Variants in NDST1 observed in about 807,000 individuals in gnomAD.
NDST1 encodes the protein N-deacetylase and N-sulfotransferase 1, also known as bifunctional heparan sulfate N-deacetylase/N-sulfotransferase 1.
NDST1 carries 35 observed loss-of-function variants against 92.8 expected under a neutral mutation model. That is an observed-to-expected ratio of 0.38 (90% confidence interval 0.29 to 0.50). NDST1 has a LOEUF of 0.50. NDST1 is among the 20% of genes least tolerant of loss of function. The pLI is 0.94. For synonymous variants in NDST1, 493 were observed against 500.3 expected, an observed-to-expected ratio of 0.99 and a Z score of 0.19; for missense variants, 822 against 1,182.7, an observed-to-expected ratio of 0.69 and a Z score of 4.47.
Position 150,548,401 on chromosome 5 carries a change from C to T in NDST1, c.2316+13C>T. ...TCACGCCAACCAGGTAGCTGCTGTC[C>T]CTGACCCTTGTGAGGGCAGTCACAG... is the stretch of plus-strand genomic sequence containing the variant. On this transcript the variant is annotated intron_variant, in intron 12 of 14. Transcript: ENST00000261797. The T allele has an allele frequency of 6.2e-7, 1 of 1,608,128 alleles. No homozygotes were observed. Among genetic ancestry groups the T allele is most frequent in the Non-Finnish European group, 8.5e-7 (1 of 1,179,912 alleles).
upstream of NDST1, among the ~76,000 whole-genome samples, chr5:150,506,971 C>A (rs1020787711): frequency 6.6e-6 from 1 of 152,236 alleles, no homozygotes; most frequent in Non-Finnish European, 1.5e-5. Flanking sequence ...ACCTGGCTTC[C>A]GTCCTCACTG....
chr5:150,545,426 C>A lies in NDST1; in HGVS notation c.2085C>A (p.Pro695=). The A allele has an allele frequency of 6.2e-7, 1 of 1,614,232 alleles. No individual in the cohort carries two copies. Among genetic ancestry groups the A allele is most frequent in the Non-Finnish European group, 8.5e-7 (1 of 1,180,036 alleles). Residue 695 remains proline, a synonymous_variant, in exon 11 of 15, where the codon CCC becomes CCA. Transcript: ENST00000261797. ...CCCGGCGGGCAGCAGCCCTCTTGCCCAAAGCCAAGGTCCTGACCATCCTCA... is the reference window on the plus strand; with the variant it reads ...CCCGGCGGGCAGCAGCCCTCTTGCCAAAAGCCAAGGTCCTGACCATCCTCA... ...VAPRRAAALL[P]KAKVLTILIN...
At chr5:150,537,997 G>A (rs954975129) in intron 6 of NDST1, among the ~76,000 whole-genome samples, 2 of 152,240 alleles carry the variant, frequency 1.3e-5, no homozygotes, top group Non-Finnish European at 2.9e-5. Context: ...GAGTGCCACG[G>A]ACAAAGTTAA....
intron 10 of NDST1, among the ~76,000 whole-genome samples, chr5:150,544,054 G>A (rs1215514101): frequency 2.0e-5 from 3 of 152,138 alleles, no homozygotes; most frequent in South Asian, 2.1e-4. Flanking sequence ...CTGGGATTAC[G>A]GCGTGCGCCA....
At chr5:150,510,734 A>G (rs1016441449) in intron 1 of NDST1, among the ~76,000 whole-genome samples, 9 of 152,272 alleles carry the variant, frequency 5.9e-5, no homozygotes, top group African/African-American at 1.9e-4. Context: ...AACCCAGAAC[A>G]GATTCACAAG....
At chr5:150,522,402 C>G (rs1754279599) in intron 2 of NDST1, among the ~76,000 whole-genome samples, 1 of 151,898 alleles carries the variant, frequency 6.6e-6, no homozygotes, top group South Asian at 2.1e-4. Context: ...GGATTGGGGT[C>G]CTTGCAGGAA....
Position 150,527,847 on chromosome 5 carries a change from C to G in NDST1, c.557C>G (p.Pro186Arg). 1.2e-6 allele frequency: 2 copies of G among 1,614,160 alleles called. No individual in the cohort carries two copies. Among genetic ancestry groups the G allele is most frequent in the Non-Finnish European group, 1.7e-6 (2 of 1,180,034 alleles). Reference protein sequence around the residue: ...SLLSAQLKGFPLFLHSNLGLK... With the variant: ...SLLSAQLKGFRLFLHSNLGLK... Reference sequence around the variant, plus strand: ...CTGAGTGCGCAGCTCAAGGGCTTCCCCCTGTTCCTGCACTCAAACCTGGGC... The same window carrying G: ...CTGAGTGCGCAGCTCAAGGGCTTCCGCCTGTTCCTGCACTCAAACCTGGGC... Residue 186 changes from proline to arginine, a missense_variant, in exon 3 of 15, where the codon CCC becomes CGC. Transcript: ENST00000261797.
intron 2 of NDST1, 109 bp from the exon 3 acceptor site, chr5:150,527,695 T>G (rs1035487838): frequency 2.0e-6 from 3 of 1,517,664 alleles, no homozygotes; most frequent in Non-Finnish European, 1.8e-6. Context: ...CCTCCATGAA[T>G]GTTGGTGAAT....
In NDST1 at chr5:150,553,837, C is replaced by T. The variant is rs907558042; in HGVS notation, c.*505C>T. The T allele has an allele frequency of 4.5e-5, 20 of 443,458 alleles. No homozygotes were observed. The highest frequency in any genetic ancestry group is 3.9e-4 in the African/African-American group (20 of 51,652). The allele number at this position is 443,458 out of a possible 1,614,324, so 27.5% of individuals were successfully genotyped here. On this transcript the variant is annotated 3_prime_UTR_variant, in exon 15 of 15. Coordinates refer to ENST00000261797, the MANE Select transcript of NDST1 (RefSeq NM_001543.5). This position sits in a 1 kb window ranked among gnomAD's most constrained non-coding sequence, Gnocchi z 4.2. ...CTGGGTCCCCGGAGTCAGTCCTAGG[C>T]TGGATGGGAGGGTGGCCCCCTCAAG...
chr5:150,521,904 G>A lies in NDST1; in HGVS notation c.513+137G>A. 8.7e-7 allele frequency: 1 copy of A among 1,152,298 alleles called. No individual in the cohort carries two copies. Among genetic ancestry groups the A allele is most frequent in the East Asian group, 2.5e-5 (1 of 40,364 alleles). The allele number at this position is 1,152,298 out of a possible 1,614,324, so 71.4% of individuals were successfully genotyped here. A position where few individuals can be genotyped will look rare whatever the true frequency, so the allele number is the denominator to read the frequency against. Reference sequence around the variant, plus strand: ...GGGAGGGTTAAATGAGTGAGTATATGTAAAGCACTGGGAGCATGCGGTGCC... The same window carrying A: ...GGGAGGGTTAAATGAGTGAGTATATATAAAGCACTGGGAGCATGCGGTGCC... On this transcript the variant is annotated intron_variant, in intron 2 of 14. Transcript: ENST00000261797. This position sits in a 1 kb window ranked among gnomAD's most constrained non-coding sequence, Gnocchi z 5.9.
intron 2 of NDST1, among the ~76,000 whole-genome samples, chr5:150,522,556 A>G (rs1225119136): frequency 6.6e-6 from 1 of 152,176 alleles, no homozygotes; most frequent in Non-Finnish European, 1.5e-5. Flanking sequence ...TGGAGGTGGC[A>G]GGGAATTTGT....
At chr5:150,507,936 G>A (rs1363582302), upstream of NDST1, among the ~76,000 whole-genome samples, 1 of 152,212 alleles carries the variant, frequency 6.6e-6, no homozygotes, top group South Asian at 2.1e-4. Flanking sequence ...GGGCAGAATC[G>A]GAGGAGGACA....
At position 150,549,756 on chromosome 5, in the gene NDST1, A is replaced by G. The variant is rs987497760; in HGVS notation, c.2395A>G (p.Thr799Ala). ...MDMVQKFLGVTNTIDYHKTLA... is the reference protein window; with the variant it reads ...MDMVQKFLGVANTIDYHKTLA... ...CATGGTGCAGAAGTTCCTTGGGGTG[A>G]CCAACACCATTGACTACCACAAAAC... The change falls in exon 13 of 15, where the codon ACC (threonine) becomes GCC (alanine). Residue 799 changes from threonine (T) to alanine (A), a missense_variant. Physicochemically the swap from Thr to Ala is moderately conservative, Grantham distance 58. Transcript: ENST00000261797. 2 of 1,613,508 alleles carry G rather than the reference A, an allele frequency of 1.2e-6. No individual in the cohort carries two copies. Among genetic ancestry groups the G allele is most frequent in the Admixed American group, 3.3e-5 (2 of 60,018 alleles).
Position 150,553,454 on chromosome 5 carries a change from G to A in NDST1, c.*122G>A. 4.4e-6 allele frequency: 6 copies of A among 1,371,444 alleles called. No individual in the cohort carries two copies. In the South Asian group the frequency reaches 7.0e-5, roughly 16 times the overall value. The allele number at this position is 1,371,444 out of a possible 1,614,324, so 85.0% of individuals were successfully genotyped here. A position where few individuals can be genotyped will look rare whatever the true frequency, so the allele number is the denominator to read the frequency against. On this transcript the variant is annotated 3_prime_UTR_variant, in exon 15 of 15. Transcript: ENST00000261797. The surrounding 1 kb of genome is among the most constrained non-coding windows in gnomAD (Gnocchi z 4.2). ...GCTGCGCACTTATGAGCAATACTCTGTGGAGGTCTGGTGGGGCTGGGGGAG... is the reference window on the plus strand; with the variant it reads ...GCTGCGCACTTATGAGCAATACTCTATGGAGGTCTGGTGGGGCTGGGGGAG...
At chr5:150,500,978 A>G (rs914426973) in intron 1 of NDST1, among the ~76,000 whole-genome samples, 49 of 152,330 alleles carry the variant, frequency 3.2e-4, no homozygotes, top group Non-Finnish European at 4.9e-4. Context: ...CTGATTGTCT[A>G]TGACGACCTA....
Position 150,548,221 on chromosome 5 carries a change from C to G in NDST1, c.2149C>G (p.Gln717Glu). ...ADRAYSWYQH[Q>E]RAHDDPVALK... ...GACCCTCTTTCCTTGCCTGCAGCAC[C>G]AGCGAGCCCATGACGACCCAGTGGC... is the stretch of plus-strand genomic sequence containing the variant. The change falls in exon 12 of 15, where the codon CAG becomes GAG. Residue 717 changes from glutamine (Q) to glutamate (E), a missense_variant. Transcript: ENST00000261797. The G allele has an allele frequency of 1.9e-6, 3 of 1,614,188 alleles. No homozygotes were observed. The highest frequency in any genetic ancestry group is 1.7e-6 in the Non-Finnish European group (2 of 1,180,036).
At chr5:150,507,579 G>A (rs961360965), upstream of NDST1, 1 of 152,498 alleles carries the variant, frequency 6.6e-6, no homozygotes, top group African/African-American at 2.4e-5. Context: ...TCTCTGCAGG[G>A]TGGGGCACAG....
chr5:150,544,814 T>A (rs1755407751), intron 10 of NDST1, among the ~76,000 whole-genome samples: 1 of 152,150 alleles, frequency 6.6e-6, no homozygotes, highest in African/African-American at 2.4e-5. Context: ...GAGGTCCTGG[T>A]CCACAGTGAC....
At chr5:150,502,130 G>C (rs1452524240) in intron 1 of NDST1, among the ~76,000 whole-genome samples, 1 of 152,254 alleles carries the variant, frequency 6.6e-6, no homozygotes, top group Admixed American at 6.5e-5. Flanking sequence ...AGCTGCTGGC[G>C]GGCCCGATGT....
Sources: allele counts gnomAD v4.1 joint callset (sites outside exome capture counted in the v4.1 genomes callset), GRCh38; gene constraint gnomAD v4.1.1; non-coding constraint Gnocchi (gnomAD v3.1); transcripts MANE v1.5; gene names NCBI Gene and HGNC (gene_info 2026-07-23, HGNC 2026-07-21).